The following CALD1 variants were observed in gnomAD, a reference collection of about 807,000 sequenced individuals.
CALD1 encodes caldesmon.
Under a neutral mutation model 99.9 loss-of-function variants are expected in CALD1, and 33 were observed. The observed-to-expected ratio is 0.33, with a 90% CI of 0.25 to 0.44. The LOEUF is 0.44. Among genes scored for constraint, CALD1 ranks in the 20% least tolerant of loss-of-function variants. The pLI is 1.00. For missense variants in CALD1, 861 were observed against 962.1 expected (o/e 0.89, Z 1.39); for synonymous variants, 310 against 325.0 (o/e 0.95, Z 0.50).
intron 3 of CALD1, among the ~76,000 whole-genome samples, chr7:134,914,785 C>T (rs1048630582): frequency 2.0e-5 from 3 of 152,226 alleles, no homozygotes; most frequent in Non-Finnish European, 2.9e-5. Context: ...TTGAATACCA[C>T]TTTCTTTATG....
chr7:134,806,933 C>T (rs7783373), intron 1 of CALD1, among the ~76,000 whole-genome samples: 2,163 of 152,214 alleles, frequency 0.014, 50 homozygotes, highest in African/African-American at 0.049. Context: ...ATCTTAATAA[C>T]CATTGCCATC....
intron 3 of CALD1, among the ~76,000 whole-genome samples, chr7:134,897,874 G>T (rs1802697055): frequency 6.6e-6 from 1 of 151,644 alleles, no homozygotes; most frequent in South Asian, 2.1e-4. Context: ...GCCCTGATAA[G>T]TTTTTGTATT....
chr7:134,849,607 G>A (rs1010014684), intron 2 of CALD1, among the ~76,000 whole-genome samples: 1 of 151,262 alleles, frequency 6.6e-6, no homozygotes, highest in Non-Finnish European at 1.5e-5. Context: ...AATTGCGTTG[G>A]TTTTTTTTAA....
chr7:134,716,189 C>T, the CALD1 span, among the ~76,000 whole-genome samples: 2 of 152,176 alleles, frequency 1.3e-5, no homozygotes, highest in South Asian at 2.1e-4. Context: ...TAAAAAGTCA[C>T]ATTCAGCATG....
chr7:134,911,681 C>T (rs776695495), intron 3 of CALD1, among the ~76,000 whole-genome samples: 7 of 152,162 alleles, frequency 4.6e-5, no homozygotes, highest in African/African-American at 7.2e-5. Context: ...GGCAGTTCAC[C>T]TCTTATTCAG....
chr7:134,794,030 G>A (rs75557961), intron 1 of CALD1, among the ~76,000 whole-genome samples: 2,176 of 152,096 alleles, frequency 0.014, 51 homozygotes, highest in African/African-American at 0.049. Context: ...GCTCACAGAG[G>A]CCATGCCTGT....
intron 1 of CALD1, among the ~76,000 whole-genome samples, chr7:134,767,242 C>T (rs926381355): frequency 2.4e-4 from 37 of 151,548 alleles, no homozygotes; most frequent in African/African-American, 3.2e-4. Flanking sequence ...TGACATAAAT[C>T]CATCAAACCT....
At chr7:134,918,789 A>T (rs1444994688) in intron 3 of CALD1, among the ~76,000 whole-genome samples, 1 of 152,192 alleles carries the variant, frequency 6.6e-6, no homozygotes, top group Non-Finnish European at 1.5e-5. Context: ...TGAGCTCAGG[A>T]GTTTGAGACC....
chr7:134,719,807 A>G, the CALD1 span, among the ~76,000 whole-genome samples: 1 of 152,188 alleles, frequency 6.6e-6, no homozygotes, highest in Admixed American at 6.5e-5. Flanking sequence ...AAGGGAATGA[A>G]TTTTGAGAGT....
chr7:134,712,835 G>T, the CALD1 span, among the ~76,000 whole-genome samples: 3 of 152,182 alleles, frequency 2.0e-5, no homozygotes, highest in African/African-American at 7.2e-5. Flanking sequence ...TTCGAGTGGG[G>T]TTTACATAAT....
chr7:134,958,434 G>A (rs545575093), intron 11 of CALD1, 144 bp downstream of exon 11: 63 of 641,168 alleles, frequency 9.8e-5, no homozygotes, highest in East Asian at 2.8e-4. Flanking sequence ...TTTTTGAGAC[G>A]GAGTCTCACT....
At chr7:134,805,963 G>A (rs538218200) in intron 1 of CALD1, among the ~76,000 whole-genome samples, 8 of 151,952 alleles carry the variant, frequency 5.3e-5, no homozygotes, top group African/African-American at 1.9e-4. Context: ...GTTTCCCCAT[G>A]TTGGCCAGGC....
chr7:134,857,218 G>C (rs1167948712), intron 2 of CALD1, among the ~76,000 whole-genome samples: 1 of 137,308 alleles, frequency 7.3e-6, no homozygotes, highest in Non-Finnish European at 1.5e-5. Context: ...ACCCAGGCTG[G>C]AGTGCAGTGG....
intron 3 of CALD1, among the ~76,000 whole-genome samples, chr7:134,908,673 C>T (rs1317862544): frequency 6.6e-6 from 1 of 152,166 alleles, no homozygotes; most frequent in African/African-American, 2.4e-5. Context: ...GGCACTTCTC[C>T]AGGCAATTCT....
In CALD1 at chr7:134,931,877, G is replaced by A. The variant is rs570689825; in HGVS notation, c.219-1111G>A. 8.5e-5 allele frequency among the ~76,000 whole-genome samples: 13 copies of A among 152,302 alleles called. No homozygotes were observed. The East Asian group carries it at 2.3e-3, about 27-fold the overall frequency. On this transcript the variant is annotated intron_variant, in intron 4 of 14. Transcript: ENST00000361675. ...GAAATCTTGACAAAGAAGGTAGATT[G>A]TGTATACATTAGTTAGGGTAACGCT...
At chr7:134,958,332 T>C (rs750983440) in intron 11 of CALD1, 42 bp downstream of exon 11, 3 of 1,469,666 alleles carry the variant, frequency 2.0e-6, no homozygotes, top group South Asian at 2.3e-5. Flanking sequence ...TGAACAGAAA[T>C]AGATTCTGAC....
At chr7:134,735,563 C>CCCTG in the CALD1 span, among the ~76,000 whole-genome samples, 1 of 138,192 alleles carries the variant, frequency 7.2e-6, no homozygotes, top group Non-Finnish European at 1.6e-5. Flanking sequence ...CCCCACTACC[C>CCCTG]TCTGTGTGTG....
At chr7:134,823,487 G>A (rs1290749577) in intron 1 of CALD1, among the ~76,000 whole-genome samples, 1 of 152,160 alleles carries the variant, frequency 6.6e-6, no homozygotes, top group Non-Finnish European at 1.5e-5. Flanking sequence ...CAGCCTTTGT[G>A]TGTTCTTTTC....
chr7:134,884,700 G>A (rs954670383), intron 3 of CALD1, among the ~76,000 whole-genome samples: 9 of 150,606 alleles, frequency 6.0e-5, no homozygotes, highest in East Asian at 3.9e-4. Flanking sequence ...TTGGTGCAGC[G>A]TCTCTACTCC....
Sources: gnomAD v4.1 joint callset for allele counts (sites outside exome capture counted in the v4.1 genomes callset) on GRCh38, gnomAD v4.1.1 for gene constraint, MANE v1.5 for transcripts, NCBI Gene and HGNC (gene_info 2026-07-23, HGNC 2026-07-21) for gene names.